Variants in ARPC1B observed in about 807,000 individuals in gnomAD.
ARPC1B encodes the protein actin related protein 2/3 complex subunit 1B.
Under a neutral mutation model 46.0 loss-of-function variants are expected in ARPC1B, and 29 were observed. The ratio of observed to expected loss-of-function variants is 0.63; its 90% CI spans 0.47 to 0.86. The LOEUF is 0.86. Ranked by LOEUF, ARPC1B falls within the 40% of genes least tolerant of loss-of-function variation. The pLI is 0.00. For missense variants in ARPC1B, 469 were observed against 529.4 expected (o/e 0.89, Z 1.12); for synonymous variants, 201 against 213.9 (o/e 0.94, Z 0.53).
chr7:99,388,932 ATTT>A (rs34650108), intron 4 of ARPC1B: 40 of 106,998 alleles, frequency 3.7e-4, no homozygotes, highest in Middle Eastern at 7.0e-3. Context: ...TGCCCAGCCA[ATTT>A]TTTTTTTTTT....
chr7:99,391,171 C>T lies in ARPC1B; in HGVS notation c.708-7C>T, dbSNP rs961108790. 4 of 1,613,828 alleles carry T rather than the reference C, an allele frequency of 2.5e-6. No homozygotes were observed. In the African/African-American group the frequency reaches 5.3e-5, roughly 22 times the overall value. On this transcript the variant is annotated splice_polypyrimidine_tract_variant and splice_region_variant and intron_variant, in intron 6 of 9. Coordinates refer to ENST00000646101, the MANE Select transcript of ARPC1B (RefSeq NM_005720.4). ...GGACACCGTGACTCACAGCTCTCTC[C>T]CCTCAGCGTCGCGACTCTGGCCTCT... is the stretch of plus-strand genomic sequence containing the variant.
intron 4 of ARPC1B, 118 bp from the exon 5 acceptor site, chr7:99,389,787 T>C: frequency 2.3e-6 from 2 of 867,212 alleles, no homozygotes; most frequent in Admixed American, 2.1e-5. Flanking sequence ...CAGTCGCCTC[T>C]CTCCTGGGTC....
At chr7:99,393,196 A>G (rs530963549) in intron 8 of ARPC1B, among the ~76,000 whole-genome samples, 1 of 152,242 alleles carries the variant, frequency 6.6e-6, no homozygotes, top group African/African-American at 2.4e-5. Context: ...GCTGCGGAAT[A>G]ACATCGTTAG....
chr7:99,378,651 C>G (rs1172496198), intron 1 of ARPC1B, among the ~76,000 whole-genome samples: 2 of 151,318 alleles, frequency 1.3e-5, no homozygotes, highest in African/African-American at 4.9e-5. Context: ...CCACTACACT[C>G]CAGCCTGGGC....
intron 1 of ARPC1B, among the ~76,000 whole-genome samples, chr7:99,382,541 C>A (rs1319007879): frequency 6.6e-6 from 1 of 152,008 alleles, no homozygotes; most frequent in Admixed American, 6.6e-5. Flanking sequence ...ACAATCATAG[C>A]TCACTGCAGC....
At chr7:99,384,627 C>T (rs578128528) in intron 1 of ARPC1B, among the ~76,000 whole-genome samples, 1 of 152,304 alleles carries the variant, frequency 6.6e-6, no homozygotes, top group African/African-American at 2.4e-5. Flanking sequence ...ACCCAGGCCT[C>T]GCCTAGCCCT....
chr7:99,393,850 C>T (rs985466213), intron 8 of ARPC1B, among the ~76,000 whole-genome samples, 179 bp from the exon 9 acceptor site: 2 of 152,182 alleles, frequency 1.3e-5, no homozygotes, highest in African/African-American at 4.8e-5. Context: ...GTCCCATTTG[C>T]CTGCACCTCG....
rs780469495 is a variant in ARPC1B at position 99,392,710 on chromosome 7, G to A, written c.823G>A (p.Ala275Thr). 647 of 1,546,454 alleles carry A rather than the reference G, an allele frequency of 4.2e-4. No individual in the cohort carries two copies. Among genetic ancestry groups the A allele is most frequent in the Non-Finnish European group, 5.6e-4 (636 of 1,144,480 alleles). ...CFPVLFTYDA[A>T]AGMLSFGGRL... ...CCCGGTGCTGTTCACCTATGACGCC[G>A]CCGCGGGGATGCTGAGCTTCGGCGG... The change falls in exon 8 of 10, where the codon GCC becomes ACC. Residue 275 changes from alanine (A) to threonine (T), a missense_variant. Ala to Thr is a moderately conservative substitution (Grantham distance 58, BLOSUM62 0). Transcript: ENST00000646101.
In ARPC1B at chr7:99,390,021, G is replaced by C. The variant is rs1794517447; in HGVS notation, c.500+9G>C. ...TGTGACTTCAAGTGTCGGTGAGACA[G>C]GGCGCCATGGGGGAGGGCGGGGCTG... On this transcript the variant is annotated intron_variant, in intron 5 of 9. Transcript: ENST00000646101. 1 of 1,611,386 alleles carries C rather than the reference G, an allele frequency of 6.2e-7. No homozygotes were observed. The highest frequency in any genetic ancestry group is 1.1e-5 in the South Asian group (1 of 91,056).
In ARPC1B at chr7:99,391,220, G is replaced by C. The variant is rs1185478367; in HGVS notation, c.750G>C (p.Leu250=). 6 of 1,614,078 alleles carry C rather than the reference G, an allele frequency of 3.7e-6. No individual in the cohort carries two copies. Among genetic ancestry groups the C allele is most frequent in the Non-Finnish European group, 5.1e-6 (6 of 1,180,016 alleles). The part of the protein sequence containing the change: ...LASETLPLLA[L]TFITDNSLVA... ...CTGAAACACTACCACTGCTGGCGCTGACCTTCATCACAGACAACAGCCTGG... is the reference window on the plus strand; with the variant it reads ...CTGAAACACTACCACTGCTGGCGCTCACCTTCATCACAGACAACAGCCTGG... Residue 250 remains leucine (L), a synonymous_variant, in exon 7 of 10, where the codon CTG becomes CTC. Coordinates refer to ENST00000646101, the MANE Select transcript of ARPC1B (RefSeq NM_005720.4).
rs369567869 is a variant in ARPC1B at position 99,394,524 on chromosome 7, T to C, written c.*35T>C. The C allele has an allele frequency of 9.4e-5, 151 of 1,613,728 alleles. No homozygotes were observed. The highest frequency in any genetic ancestry group is 1.2e-4 in the Non-Finnish European group (146 of 1,180,002). On this transcript the variant is annotated 3_prime_UTR_variant, in exon 10 of 10. Transcript: ENST00000646101. Reference sequence around the variant, plus strand: ...AATATGTTGCCTTCATCCTAGCTGCTGGGGAAGCGGGGAGAGGGGTCAGGG... The same window carrying C: ...AATATGTTGCCTTCATCCTAGCTGCCGGGGAAGCGGGGAGAGGGGTCAGGG...
intron 1 of ARPC1B, chr7:99,384,310 G>A (rs919356694): frequency 1.3e-5 from 2 of 152,410 alleles, no homozygotes; most frequent in Non-Finnish European, 1.5e-5. Flanking sequence ...CGTTCTGGCC[G>A]AGTGTAGTGG....
chr7:99,381,244 G>A (rs866214401), intron 1 of ARPC1B, among the ~76,000 whole-genome samples: 62 of 152,182 alleles, frequency 4.1e-4, no homozygotes, highest in African/African-American at 1.3e-3. Context: ...CTGCCCACAC[G>A]TGCAAAGTGT....
intron 1 of ARPC1B, among the ~76,000 whole-genome samples, chr7:99,376,939 T>C (rs935870649): frequency 6.6e-6 from 1 of 152,014 alleles, no homozygotes; most frequent in African/African-American, 2.4e-5. Flanking sequence ...GTGAAAGGTC[T>C]GGGTAAAATC....
At position 99,388,245 on chromosome 7, in the gene ARPC1B, G is replaced by A. The variant is rs767219089; in HGVS notation, c.376G>A (p.Glu126Lys). 2.5e-6 allele frequency: 4 copies of A among 1,614,046 alleles called. No individual in the cohort carries two copies. The highest frequency in any genetic ancestry group is 1.1e-5 in the South Asian group (1 of 91,060). ...TCGTGTGATCTCCATCTGTTATTTC[G>A]AGCAGGAGAATGACTGGTGGGTACC... ...GSRVISICYFEQENDWWVCKH... is the reference protein window; with the variant it reads ...GSRVISICYFKQENDWWVCKH... Residue 126 changes from glutamate (E) to lysine (K), a missense_variant, in exon 4 of 10, where the codon GAG becomes AAG. Transcript: ENST00000646101.
At chr7:99,384,120 C>G (rs941866934) in intron 1 of ARPC1B, 1 of 152,318 alleles carries the variant, frequency 6.6e-6, no homozygotes, top group African/African-American at 2.4e-5. Context: ...GGGCTGAGAC[C>G]GTGATCTCAC....
Position 99,388,190 on chromosome 7 carries a change from C to G in ARPC1B, c.321C>G (p.Asn107Lys). The stretch of plus-strand genomic sequence containing the variant: ...CCCGCTGCGTGCGCTGGGCCCCCAA[C>G]GAGAACAAGTTTGCTGTGGGCAGCG... ...RAARCVRWAP[N>K]ENKFAVGSGS... The change falls in exon 4 of 10, where the codon AAC becomes AAG. Residue 107 changes from asparagine to lysine, a missense_variant. Coordinates refer to ENST00000646101, the MANE Select transcript of ARPC1B (RefSeq NM_005720.4). The G allele has an allele frequency of 1.2e-6, 2 of 1,614,258 alleles. No individual in the cohort carries two copies. The highest frequency in any genetic ancestry group is 1.7e-6 in the Non-Finnish European group (2 of 1,180,028).
In ARPC1B at chr7:99,394,691, A is replaced by C. The variant is rs983336475; in HGVS notation, c.*202A>C. The C allele has an allele frequency of 4.0e-6, 5 of 1,261,164 alleles. No homozygotes were observed. The highest frequency in any genetic ancestry group is 4.3e-5 in the Admixed American group (1 of 23,258). 78.1% of individuals were successfully genotyped at this position (1,261,164 alleles called of 1,614,324 possible). ...ACGTGCCTTTTTCTTAAATGCTTTC[A>C]TTTATTGAAAAAAAAAAAAAATGCC... is the stretch of plus-strand genomic sequence containing the variant. On this transcript the variant is annotated 3_prime_UTR_variant, in exon 10 of 10. Transcript: ENST00000646101.
chr7:99,394,136 C>A lies in ARPC1B; in HGVS notation c.1080+17C>A. On this transcript the variant is annotated intron_variant, in intron 9 of 9. Coordinates refer to ENST00000646101, the MANE Select transcript of ARPC1B (RefSeq NM_005720.4). The stretch of plus-strand genomic sequence containing the variant: ...GATGTGAAGGTGAGGCTTGCCCCTC[C>A]TGGCTTCCCGCCATGCCTCCCAGGT... The A allele has an allele frequency of 6.2e-7, 1 of 1,612,006 alleles. No individual in the cohort carries two copies. The highest frequency in any genetic ancestry group is 8.5e-7 in the Non-Finnish European group (1 of 1,179,652).
Sources: allele counts gnomAD v4.1 joint callset (sites outside exome capture counted in the v4.1 genomes callset), GRCh38; gene constraint gnomAD v4.1.1; transcripts MANE v1.5; gene names NCBI Gene and HGNC (gene_info 2026-07-23, HGNC 2026-07-21).